The following CNTNAP5 variants were observed in gnomAD, a reference collection of about 807,000 sequenced individuals.
CNTNAP5 encodes contactin-associated protein-like 5.
CNTNAP5 carries 72 observed loss-of-function variants against 150.2 expected under a neutral mutation model. The observed-to-expected ratio is 0.48, with a 90% CI of 0.40 to 0.58. CNTNAP5 has a LOEUF of 0.58. Ranked by LOEUF, CNTNAP5 falls within the 20% of genes least tolerant of loss-of-function variation. CNTNAP5 has a pLI of 0.00. For synonymous variants in CNTNAP5, 672 were observed against 619.8 expected (o/e 1.08, Z -1.25); for missense variants, 1,636 against 1,626.2 (o/e 1.01, Z -0.10).
At chr2:124,390,786 T>A (rs1180764180) in intron 3 of CNTNAP5, among the ~76,000 whole-genome samples, 1 of 152,136 alleles carries the variant, frequency 6.6e-6, no homozygotes, top group African/African-American at 2.4e-5. Context: ...TGAATAGTGG[T>A]TTTATAGGTG....
intron 7 of CNTNAP5, among the ~76,000 whole-genome samples, chr2:124,479,082 C>T (rs929989170): frequency 2.6e-5 from 4 of 152,136 alleles, no homozygotes; most frequent in Non-Finnish European, 4.4e-5. Flanking sequence ...TCCCGAAATG[C>T]AGTAAAACTA....
intron 12 of CNTNAP5, among the ~76,000 whole-genome samples, chr2:124,638,446 G>C (rs1453473932): frequency 6.6e-6 from 1 of 151,964 alleles, no homozygotes; most frequent in Non-Finnish European, 1.5e-5. Flanking sequence ...AATACTATTT[G>C]AAAGTTGCTT....
At chr2:124,076,062 T>A (rs1475263757) in intron 1 of CNTNAP5, among the ~76,000 whole-genome samples, 1 of 152,136 alleles carries the variant, frequency 6.6e-6, no homozygotes, top group Non-Finnish European at 1.5e-5. Flanking sequence ...AGACCAAGAT[T>A]ATATGATTAA....
intron 7 of CNTNAP5, among the ~76,000 whole-genome samples, chr2:124,484,389 T>C (rs931064530): frequency 6.6e-6 from 1 of 152,170 alleles, no homozygotes; most frequent in Non-Finnish European, 1.5e-5. Flanking sequence ...GCACTAGGTG[T>C]TGAGGAAGAG....
At chr2:124,855,029 G>A (rs763526343) in intron 19 of CNTNAP5, among the ~76,000 whole-genome samples, 3 of 152,068 alleles carry the variant, frequency 2.0e-5, no homozygotes, top group Non-Finnish European at 4.4e-5. Context: ...AGCATTTGGA[G>A]GGATACTGCG....
intron 3 of CNTNAP5, among the ~76,000 whole-genome samples, chr2:124,323,701 T>C (rs903682892): frequency 1.9e-4 from 29 of 152,200 alleles, no homozygotes; most frequent in Non-Finnish European, 4.4e-5. Flanking sequence ...CCCTGCCTCC[T>C]GAGGAGGCTT....
chr2:124,128,843 T>C (rs1020444787), intron 1 of CNTNAP5, among the ~76,000 whole-genome samples: 2 of 152,016 alleles, frequency 1.3e-5, no homozygotes, highest in African/African-American at 4.8e-5. Flanking sequence ...TTCTCACTCA[T>C]AGGTGGGAAT....
intron 3 of CNTNAP5, among the ~76,000 whole-genome samples, chr2:124,369,241 G>T (rs1022030007): frequency 4.6e-5 from 7 of 152,064 alleles, no homozygotes; most frequent in Admixed American, 1.3e-4. Context: ...GAATGCCTTT[G>T]TATATTTTCA....
intron 7 of CNTNAP5, among the ~76,000 whole-genome samples, chr2:124,493,739 A>G (rs1310374437): frequency 6.6e-6 from 1 of 152,154 alleles, no homozygotes; most frequent in Non-Finnish European, 1.5e-5. Flanking sequence ...GTTGACTTCT[A>G]TAACATACTC....
intron 14 of CNTNAP5, among the ~76,000 whole-genome samples, chr2:124,753,431 A>G (rs146756645): frequency 3.3e-5 from 5 of 152,234 alleles, no homozygotes; most frequent in Non-Finnish European, 7.3e-5. Flanking sequence ...GGCCATAGCC[A>G]TGATAGAATT....
chr2:124,613,655 T>C (rs1314145658), intron 12 of CNTNAP5, among the ~76,000 whole-genome samples: 1 of 152,194 alleles, frequency 6.6e-6, no homozygotes, highest in Non-Finnish European at 1.5e-5. Context: ...CAGTGCACCC[T>C]GGGGAACGTT....
At chr2:124,813,634 T>TC (rs891680224) in intron 19 of CNTNAP5, among the ~76,000 whole-genome samples, 5 of 151,374 alleles carry the variant, frequency 3.3e-5, no homozygotes, top group Non-Finnish European at 4.4e-5. Flanking sequence ...CCTCAACACC[T>TC]CCCCACCACT....
At chr2:124,121,160 AC>A (rs1423571501) in intron 1 of CNTNAP5, among the ~76,000 whole-genome samples, 2 of 151,982 alleles carry the variant, frequency 1.3e-5, no homozygotes, top group East Asian at 3.9e-4. Flanking sequence ...ACACACACAC[AC>A]ACAAACACAC....
chr2:124,135,070 A>G (rs553874115), intron 1 of CNTNAP5: 45 of 152,308 alleles, frequency 3.0e-4, no homozygotes, highest in African/African-American at 1.0e-3. Context: ...ACAAGCAGTG[A>G]GGCTCTTAAT....
At chr2:124,791,227 T>C (rs1193577033) in intron 18 of CNTNAP5, among the ~76,000 whole-genome samples, 2 of 152,218 alleles carry the variant, frequency 1.3e-5, no homozygotes, top group African/African-American at 4.8e-5. Context: ...AAGGATACTA[T>C]AGTTTGAGCC....
At chr2:124,224,665 C>G (rs1186334986) in intron 2 of CNTNAP5, among the ~76,000 whole-genome samples, 1 of 151,838 alleles carries the variant, frequency 6.6e-6, no homozygotes, top group African/African-American at 2.4e-5. Context: ...GTAACATATA[C>G]ATGCATATAC....
At chr2:124,440,527 C>A (rs1295172751) in intron 5 of CNTNAP5, among the ~76,000 whole-genome samples, 1 of 152,046 alleles carries the variant, frequency 6.6e-6, no homozygotes, top group Admixed American at 6.6e-5. Flanking sequence ...CATGCATGCC[C>A]TTTACCAGAA....
intron 3 of CNTNAP5, among the ~76,000 whole-genome samples, chr2:124,290,949 G>C (rs1479082488): frequency 6.6e-6 from 1 of 151,612 alleles, no homozygotes; most frequent in Non-Finnish European, 1.5e-5. Flanking sequence ...GTTCCTCATA[G>C]AGTTGTTGTG....
At chr2:124,408,690 G>A (rs558948027) in intron 3 of CNTNAP5, among the ~76,000 whole-genome samples, 1,851 of 151,652 alleles carry the variant, frequency 0.012, 49 homozygotes, top group African/African-American at 0.042. Flanking sequence ...CTGTTAGAAG[G>A]AAAACTAACA....
Sources: allele counts gnomAD v4.1 joint callset (sites outside exome capture counted in the v4.1 genomes callset), GRCh38; gene constraint gnomAD v4.1.1; transcripts MANE v1.5; gene names NCBI Gene and HGNC (gene_info 2026-07-23, HGNC 2026-07-21).